Variants in PCDHGB4 observed in about 807,000 individuals in gnomAD.
The protein encoded by PCDHGB4 is protocadherin gamma-B4.
Under a neutral mutation model 60.5 loss-of-function variants are expected in PCDHGB4, and 38 were observed. The observed-to-expected ratio is 0.63, with a 90% CI of 0.48 to 0.82. The LOEUF is 0.82. Ranked by LOEUF, PCDHGB4 falls within the 40% of genes least tolerant of loss-of-function variation. The pLI is 0.00. For synonymous variants in PCDHGB4, 456 were observed against 509.7 expected (o/e 0.89, Z 1.42); for missense variants, 1,109 against 1,209.6 (o/e 0.92, Z 1.23).
intron 1 of PCDHGB4, chr5:141,403,197 G>T: frequency 6.2e-7 from 1 of 1,613,986 alleles, no homozygotes; most frequent in Non-Finnish European, 8.5e-7. Flanking sequence ...CCGCGCAGCG[G>T]CACCTTGGTC....
chr5:141,419,886 G>A lies in PCDHGB4; in HGVS notation c.2397+29605G>A, dbSNP rs1195529127. ...TTGCAAGAGGTACTGCCGGATTTCA[G>A]CGACCATCCCACACCCTCTGACTCC... On this transcript the variant is annotated intron_variant, in intron 1 of 3. Transcript: ENST00000519479. 1.9e-6 allele frequency: 3 copies of A among 1,614,076 alleles called. No individual in the cohort carries two copies. In the East Asian group the frequency reaches 6.7e-5, roughly 36 times the overall value.
At position 141,422,030 on chromosome 5, in the gene PCDHGB4, C is replaced by T. The variant is rs1404612424; in HGVS notation, c.2397+31749C>T. ...ACTCGGGTGCTGATGGTTAATGCAA[C>T]GGATCCAGACGAGGGAATCAACGGG... On this transcript the variant is annotated intron_variant, in intron 1 of 3. Coordinates refer to ENST00000519479, the MANE Select transcript of PCDHGB4 (RefSeq NM_003736.4). 3 of 1,609,592 alleles carry T rather than the reference C, an allele frequency of 1.9e-6. No homozygotes were observed. The South Asian group carries it at 3.3e-5, about 18-fold the overall frequency.
intron 1 of PCDHGB4, chr5:141,422,964 G>A: frequency 1.2e-6 from 2 of 1,614,190 alleles, no homozygotes; most frequent in Non-Finnish European, 1.7e-6. Flanking sequence ...TGGAGCTGGC[G>A]CCCCGCTCTG....
At chr5:141,458,438 C>T (rs2098945825) in intron 1 of PCDHGB4, among the ~76,000 whole-genome samples, 1 of 152,024 alleles carries the variant, frequency 6.6e-6, no homozygotes, top group Non-Finnish European at 1.5e-5. Flanking sequence ...GAGGAGGTCC[C>T]CCACATTAAC....
Position 141,432,292 on chromosome 5 carries a change from T to G in PCDHGB4, c.2397+42011T>G. 6.2e-7 allele frequency: 1 copy of G among 1,614,196 alleles called. No homozygotes were observed. The highest frequency in any genetic ancestry group is 8.5e-7 in the Non-Finnish European group (1 of 1,180,042). On this transcript the variant is annotated intron_variant, in intron 1 of 3. Transcript: ENST00000519479. This position sits in a 1 kb window ranked among gnomAD's most constrained non-coding sequence, Gnocchi z 6.0. Reference sequence around the variant, plus strand: ...CCTACGTGTCCATCAACTCCGACACTGGGGTACTGTATGCGCTGAGCTCCT... The same window carrying G: ...CCTACGTGTCCATCAACTCCGACACGGGGGTACTGTATGCGCTGAGCTCCT...
intron 1 of PCDHGB4, chr5:141,421,203 G>A (rs779780797): frequency 2.6e-6 from 4 of 1,522,494 alleles, no homozygotes; most frequent in African/African-American, 1.4e-5. Context: ...TCGAGAAACC[G>A]CGGAATATCG....
chr5:141,441,700 T>TCAAG (rs1409793305), intron 1 of PCDHGB4: 1 of 308,660 alleles, frequency 3.2e-6, no homozygotes, highest in African/African-American at 2.3e-5. Context: ...CCGCGAGCCT[T>TCAAG]CAAGCTCACG....
At chr5:141,391,203 T>C (rs77020243) in intron 1 of PCDHGB4, 3 of 152,214 alleles carry the variant, frequency 2.0e-5, no homozygotes, top group Non-Finnish European at 4.4e-5. Flanking sequence ...ATATACAAAA[T>C]ACCAAGGAAC....
rs573088236 is a variant in PCDHGB4, at chr5:141,489,279, G to A, written c.2398-5528G>A. On this transcript the variant is annotated intron_variant, in intron 1 of 3. Coordinates refer to ENST00000519479, the MANE Select transcript of PCDHGB4 (RefSeq NM_003736.4). This position sits in a 1 kb window ranked among gnomAD's most constrained non-coding sequence, Gnocchi z 4.5. Reference sequence around the variant, plus strand: ...CACTCCCACAGCTCGCTGGGAAATGGCAAGTGCTGTGCATGTTGTCCTTGT... The same window carrying A: ...CACTCCCACAGCTCGCTGGGAAATGACAAGTGCTGTGCATGTTGTCCTTGT... The A allele has an allele frequency of 6.4e-7, 1 of 1,562,030 alleles. No individual in the cohort carries two copies. Among genetic ancestry groups the A allele is most frequent in the East Asian group, 2.2e-5 (1 of 44,522 alleles).
In PCDHGB4 at chr5:141,403,638, A is replaced by G. The variant is rs373036061; in HGVS notation, c.2397+13357A>G. On this transcript the variant is annotated intron_variant, in intron 1 of 3. Coordinates refer to ENST00000519479, the MANE Select transcript of PCDHGB4 (RefSeq NM_003736.4). ...CGTCGCTCCAGCACAGTGCGCATCCATGTGACAGTGTTGGATACAAATGAT... is the reference window on the plus strand; with the variant it reads ...CGTCGCTCCAGCACAGTGCGCATCCGTGTGACAGTGTTGGATACAAATGAT... The G allele has an allele frequency of 1.5e-5, 25 of 1,613,906 alleles. No individual in the cohort carries two copies. The East Asian group carries it at 4.5e-4, about 29-fold the overall frequency.
At chr5:141,488,991 T>G in intron 1 of PCDHGB4, 1 of 414,332 alleles carries the variant, frequency 2.4e-6, no homozygotes, top group Non-Finnish European at 4.3e-6. Flanking sequence ...AGAGCTGAGG[T>G]GGGAGATCTG....
At chr5:141,474,452 G>A (rs1341193950) in intron 1 of PCDHGB4, among the ~76,000 whole-genome samples, 1 of 152,158 alleles carries the variant, frequency 6.6e-6, no homozygotes, top group Non-Finnish European at 1.5e-5. Flanking sequence ...CAAGTGATTG[G>A]GCTATACTCT....
intron 1 of PCDHGB4, chr5:141,394,518 A>C (rs1256235757): frequency 6.2e-7 from 1 of 1,614,094 alleles, no homozygotes; most frequent in Non-Finnish European, 8.5e-7. Flanking sequence ...CGCCCTCCCC[A>C]CAGACGGTTC....
intron 1 of PCDHGB4, among the ~76,000 whole-genome samples, chr5:141,407,629 G>A (rs1025838649): frequency 1.3e-5 from 2 of 151,940 alleles, no homozygotes; most frequent in African/African-American, 4.8e-5. Context: ...TCTATATCTC[G>A]TATTACTTAA....
chr5:141,452,929 G>A (rs2154564099), intron 1 of PCDHGB4, among the ~76,000 whole-genome samples: 1 of 152,310 alleles, frequency 6.6e-6, no homozygotes, highest in Admixed American at 6.5e-5. Flanking sequence ...AAGAGCTGCT[G>A]AAGATTTGCT....
chr5:141,388,884 G>A lies in PCDHGB4; in HGVS notation c.1000G>A (p.Glu334Lys). 3 of 1,614,002 alleles carry A rather than the reference G, an allele frequency of 1.9e-6. No individual in the cohort carries two copies. Among genetic ancestry groups the A allele is most frequent in the Non-Finnish European group, 2.5e-6 (3 of 1,179,858 alleles). ...GMIAQCTVEV[E>K]VIDENDNAPE... Reference sequence around the variant, plus strand: ...GATTGCGCAATGCACAGTGGAGGTAGAAGTCATAGATGAAAATGACAACGC... The same window carrying A: ...GATTGCGCAATGCACAGTGGAGGTAAAAGTCATAGATGAAAATGACAACGC... The change falls in exon 1 of 4, where the codon GAA becomes AAA. Residue 334 changes from glutamate to lysine, a missense_variant. This residue lies in a region of PCDHGB4 where 1,068 missense variants were observed against 1,089.9 expected (regional missense o/e 0.98). Coordinates refer to ENST00000519479, the MANE Select transcript of PCDHGB4 (RefSeq NM_003736.4).
intron 2 of PCDHGB4, among the ~76,000 whole-genome samples, chr5:141,503,292 A>G (rs7710319): frequency 6.6e-6 from 1 of 151,928 alleles, no homozygotes; most frequent in African/African-American, 2.4e-5. Flanking sequence ...TGGTACATAG[A>G]AATTGCTCAA....
chr5:141,389,237 A>G lies in PCDHGB4; in HGVS notation c.1353A>G (p.Ser451=), dbSNP rs758770216. Residue 451 remains serine (S), a synonymous_variant, in exon 1 of 4, where the codon TCA becomes TCG. Coordinates refer to ENST00000519479, the MANE Select transcript of PCDHGB4 (RefSeq NM_003736.4). ...TAAATGACAACGCTCCGGTTTTCTC[A>G]CAGTCTTCCTATATAGTCCACGTGG... ...GDVNDNAPVF[S]QSSYIVHVAE... 3.1e-6 allele frequency: 5 copies of G among 1,612,662 alleles called. No individual in the cohort carries two copies. Among genetic ancestry groups the G allele is most frequent in the Non-Finnish European group, 4.2e-6 (5 of 1,178,782 alleles).
At chr5:141,505,123 C>T (rs1320836386) in intron 2 of PCDHGB4, among the ~76,000 whole-genome samples, 1 of 152,192 alleles carries the variant, frequency 6.6e-6, no homozygotes, top group African/African-American at 2.4e-5. Flanking sequence ...GATCGCGCCA[C>T]TGCACTCCAG....
Sources: gnomAD v4.1 joint callset for allele counts (sites outside exome capture counted in the v4.1 genomes callset) on GRCh38, gnomAD v4.1.1 for gene constraint, gnomAD v4.1.1 regional missense constraint, Gnocchi (gnomAD v3.1) non-coding constraint, MANE v1.5 for transcripts, NCBI Gene and HGNC (gene_info 2026-07-23, HGNC 2026-07-21) for gene names.